Variants in DNAH2 observed in about 807,000 individuals in gnomAD.
The protein encoded by DNAH2 is axonemal beta dynein heavy chain 2.
DNAH2 carries 323 observed loss-of-function variants against 523.5 expected under a neutral mutation model. That is an observed-to-expected ratio of 0.62 (90% CI 0.56 to 0.68). DNAH2 has a LOEUF of 0.68. DNAH2 is among the 30% of genes least tolerant of loss of function. The pLI, the probability that DNAH2 is intolerant of heterozygous loss-of-function variation, is 0.00. For synonymous variants in DNAH2, 2,093 were observed against 2,177.4 expected, an observed-to-expected ratio of 0.96 and a Z score of 1.08; for missense variants, 4,907 against 5,701.5, an observed-to-expected ratio of 0.86 and a Z score of 4.49.
chr17:7,786,184 C>T lies in DNAH2; in HGVS notation c.6190C>T (p.Leu2064Phe), dbSNP rs757622665. The change falls in exon 40 of 86, where the codon CTC becomes TTC. Residue 2064 changes from leucine (L) to phenylalanine (F), a missense_variant. Coordinates refer to ENST00000572933, the MANE Select transcript of DNAH2 (RefSeq NM_020877.5). The surrounding 1 kb of genome is among the most constrained non-coding windows in gnomAD (Gnocchi z 7.5). Reference protein sequence around the residue: ...DMGLQSTPFTLTKVFQLYETK... With the variant: ...DMGLQSTPFTFTKVFQLYETK... ...GGGCCTGCAAAGCACGCCGTTCACCCTCACCAAGGTTTTCCAGTTGTATGA... is the reference window on the plus strand; with the variant it reads ...GGGCCTGCAAAGCACGCCGTTCACCTTCACCAAGGTTTTCCAGTTGTATGA... 6.2e-7 allele frequency: 1 copy of T among 1,613,944 alleles called. No individual in the cohort carries two copies. Among genetic ancestry groups the T allele is most frequent in the East Asian group, 2.2e-5 (1 of 44,878 alleles).
chr17:7,724,873 G>T (rs1279144783), intron 3 of DNAH2, among the ~76,000 whole-genome samples: 3 of 150,450 alleles, frequency 2.0e-5, no homozygotes, highest in Non-Finnish European at 4.4e-5. Context: ...CTCCCAAGTA[G>T]CTGGGATTAC....
chr17:7,744,077 C>T (rs1240720593), intron 12 of DNAH2, among the ~76,000 whole-genome samples: 1 of 151,934 alleles, frequency 6.6e-6, no homozygotes, highest in Non-Finnish European at 1.5e-5. Context: ...TTGGATTCCA[C>T]TCATAAAATG....
intron 3 of DNAH2, among the ~76,000 whole-genome samples, chr17:7,723,986 G>T (rs2074714592): frequency 6.6e-6 from 1 of 152,180 alleles, no homozygotes; most frequent in Non-Finnish European, 1.5e-5. Flanking sequence ...CAAGTTGAAT[G>T]AGCTGGGAAG....
Position 7,801,813 on chromosome 17 carries a change from G to A in DNAH2, c.8833-65G>A, listed in dbSNP as rs993456840. The A allele has an allele frequency of 3.1e-5, 50 of 1,608,442 alleles. 1 individual carries two copies. Among genetic ancestry groups the A allele is most frequent in the African/African-American group, 1.6e-4 (12 of 74,254 alleles). The stretch of plus-strand genomic sequence containing the variant: ...GCCTCTCTCCTTCCCGCCTCTCATC[G>A]CACTCCCAGCCTCTCTCCCACTTCC... On this transcript the variant is annotated intron_variant, in intron 57 of 85. Coordinates refer to ENST00000572933, the MANE Select transcript of DNAH2 (RefSeq NM_020877.5).
intron 20 of DNAH2, 138 bp downstream of exon 20, chr17:7,764,411 A>G: frequency 9.8e-7 from 1 of 1,024,480 alleles, no homozygotes; most frequent in Non-Finnish European, 1.4e-6. Context: ...AGCTAGCTCA[A>G]ATGATACCTT....
At chr17:7,796,677 C>T in intron 50 of DNAH2, 25 bp downstream of exon 50, 1 of 1,599,360 alleles carries the variant, frequency 6.3e-7, no homozygotes, top group East Asian at 2.2e-5. Flanking sequence ...GACCTTGCCC[C>T]TTCTGCTTGG....
intron 8 of DNAH2, among the ~76,000 whole-genome samples, chr17:7,737,541 A>C (rs1028647171): frequency 6.6e-6 from 1 of 152,140 alleles, no homozygotes; most frequent in African/African-American, 2.4e-5. Flanking sequence ...AGCAGGAAGA[A>C]CAGACCCCCA....
Position 7,794,265 on chromosome 17 carries a change from G to C in DNAH2, c.7581G>C (p.Leu2527=). ...QTIKYIREMF[L]MAAMGPPGGG... ...TCGCTGCTCTCTAGGAAATGTTCCT[G>C]ATGGCTGCCATGGGCCCCCCTGGGG... The change falls in exon 49 of 86, where the codon CTG becomes CTC. Residue 2527 remains leucine, a synonymous_variant. Coordinates refer to ENST00000572933, the MANE Select transcript of DNAH2 (RefSeq NM_020877.5). 2 of 1,607,848 alleles carry C rather than the reference G, an allele frequency of 1.2e-6. No individual in the cohort carries two copies. Among genetic ancestry groups the C allele is most frequent in the Non-Finnish European group, 1.7e-6 (2 of 1,177,276 alleles).
chr17:7,811,014 A>G (rs1293888100), intron 63 of DNAH2, among the ~76,000 whole-genome samples: 1 of 152,234 alleles, frequency 6.6e-6, no homozygotes. Flanking sequence ...AATGGGTCAG[A>G]ACAGAATCTT....
chr17:7,741,815 C>T (rs1479262541), intron 11 of DNAH2, among the ~76,000 whole-genome samples: 2 of 151,826 alleles, frequency 1.3e-5, no homozygotes, highest in African/African-American at 4.8e-5. Flanking sequence ...AGGCATGCAC[C>T]ACCACGCCCG....
chr17:7,824,485 G>T, intron 76 of DNAH2, 52 bp from the exon 77 acceptor site: 2 of 1,469,326 alleles, frequency 1.4e-6, no homozygotes, highest in Non-Finnish European at 1.8e-6. Flanking sequence ...AAAGCATGAG[G>T]ACAGGCAGGG....
chr17:7,826,066 G>C (rs777721649), intron 77 of DNAH2, among the ~76,000 whole-genome samples: 2 of 152,208 alleles, frequency 1.3e-5, no homozygotes, highest in African/African-American at 2.4e-5. Context: ...GGAGGTTGCA[G>C]GGAGCTGAGA....
chr17:7,741,278 C>G lies in DNAH2; in HGVS notation c.1689+286C>G, dbSNP rs1042326819. Among the ~76,000 whole-genome samples, 227 of 56,776 alleles carry G rather than the reference C, an allele frequency of 4.0e-3. 1 individual carries two copies. Among genetic ancestry groups the G allele is most frequent in the Non-Finnish European group, 6.0e-3 (196 of 32,456 alleles). The allele number at this position is 56,776 out of a possible 152,430, so 37.2% of individuals were successfully genotyped here. A position where few individuals can be genotyped will look rare whatever the true frequency, so the allele number is the denominator to read the frequency against. On this transcript the variant is annotated intron_variant, in intron 11 of 85. Coordinates refer to ENST00000572933, the MANE Select transcript of DNAH2 (RefSeq NM_020877.5). The stretch of plus-strand genomic sequence containing the variant: ...TCTTTCTTTCTTTCTTTCTTTCTTT[C>G]TTTCTTTCTTTCTTTCTTCCTTCCT...
chr17:7,783,960 T>C (rs2076670913), intron 39 of DNAH2, among the ~76,000 whole-genome samples: 1 of 152,152 alleles, frequency 6.6e-6, no homozygotes, highest in African/African-American at 2.4e-5. Flanking sequence ...TAAAGCTTAA[T>C]GACAAAGGGC....
Position 7,740,449 on chromosome 17 carries a change from T to A in DNAH2, c.1406T>A (p.Val469Glu). ...KFRAGIKDLE[V>E]MTQNLITSAF... ...CGTGCCGGAATCAAGGACCTGGAGG[T>A]GATGACCCAGAACCTGATCACCTCA... Residue 469 changes from valine to glutamate, a missense_variant, in exon 10 of 86, where the codon GTG becomes GAG. This residue lies in a region of DNAH2 where 2,806 missense variants were observed against 3,190.8 expected (regional missense o/e 0.88). Transcript: ENST00000572933. The A allele has an allele frequency of 6.2e-7, 1 of 1,614,044 alleles. No individual in the cohort carries two copies. The highest frequency in any genetic ancestry group is 8.5e-7 in the Non-Finnish European group (1 of 1,179,994).
In DNAH2 at chr17:7,764,536, C is replaced by G. The variant is rs868799574; in HGVS notation, c.3336+263C>G. 9.9e-5 allele frequency among the ~76,000 whole-genome samples: 15 copies of G among 151,606 alleles called. No homozygotes were observed. The South Asian group carries it at 1.2e-3, about 13-fold the overall frequency. ...AGTGCAGTGGCACGATCTTGGCCTA[C>G]TGCAACCTCTGCCTCCCAGGCTCAA... is the stretch of plus-strand genomic sequence containing the variant. On this transcript the variant is annotated intron_variant, in intron 20 of 85. Transcript: ENST00000572933.
rs750424361 is a variant in DNAH2 at position 7,819,398 on chromosome 17, G to A, written c.11005G>A (p.Ala3669Thr). The A allele has an allele frequency of 2.8e-5, 46 of 1,614,106 alleles. No homozygotes were observed. The highest frequency in any genetic ancestry group is 5.0e-5 in the Admixed American group (3 of 60,006). ...IDYLNDYHTY[A>T]VYRYTCRTLF... The stretch of plus-strand genomic sequence containing the variant: ...CTACCTGAATGACTACCACACCTAC[G>A]CTGTCTACAGGTCTGAGGGTGCCCC... The change falls in exon 72 of 86, where the codon GCT becomes ACT. Residue 3669 changes from alanine (A) to threonine (T), a missense_variant. Physicochemically the swap from Ala to Thr is moderately conservative, Grantham distance 58. This residue lies in a region of DNAH2 where 1,851 missense variants were observed against 2,139.4 expected (regional missense o/e 0.87). Coordinates refer to ENST00000572933, the MANE Select transcript of DNAH2 (RefSeq NM_020877.5).
At chr17:7,732,766 T>A (rs1215196484) in intron 4 of DNAH2, among the ~76,000 whole-genome samples, 1 of 152,194 alleles carries the variant, frequency 6.6e-6, no homozygotes, top group Non-Finnish European at 1.5e-5. Flanking sequence ...CATTCCATCC[T>A]TTCTTTCTAT....
chr17:7,818,359 A>G lies in DNAH2; in HGVS notation c.10435A>G (p.Thr3479Ala). The change falls in exon 69 of 86, where the codon ACC becomes GCC. Residue 3479 changes from threonine to alanine, a missense_variant. By Grantham distance (58) the Thr-to-Ala change is moderately conservative (BLOSUM62 0). This residue lies in a region of DNAH2 where 1,851 missense variants were observed against 2,139.4 expected (regional missense o/e 0.87). Coordinates refer to ENST00000572933, the MANE Select transcript of DNAH2 (RefSeq NM_020877.5). ...TGGCGATAAGGAGGTGGAATATAAT[A>G]CCAATTTCCGTTTCTACATCACCAC... Reference protein sequence around the residue: ...RIGDKEVEYNTNFRFYITTKL... With the variant: ...RIGDKEVEYNANFRFYITTKL... The G allele has an allele frequency of 6.2e-7, 1 of 1,614,080 alleles. No homozygotes were observed. The highest frequency in any genetic ancestry group is 8.5e-7 in the Non-Finnish European group (1 of 1,180,016).
Sources: gnomAD v4.1 joint callset for allele counts (sites outside exome capture counted in the v4.1 genomes callset) on GRCh38, gnomAD v4.1.1 for gene constraint, gnomAD v4.1.1 regional missense constraint, Gnocchi (gnomAD v3.1) non-coding constraint, MANE v1.5 for transcripts, NCBI Gene and HGNC (gene_info 2026-07-23, HGNC 2026-07-21) for gene names.